WDFY2: variants seen among roughly 807,000 people sequenced by gnomAD.
WDFY2 encodes the protein WD repeat and FYVE domain containing 2.
In WDFY2, 36 loss-of-function variants were observed where a neutral mutation model predicts 56.4. The observed-to-expected ratio is 0.64, with a 90% CI of 0.49 to 0.84. The LOEUF is 0.84. Ranked by LOEUF, WDFY2 falls within the 40% of genes least tolerant of loss-of-function variation. WDFY2 has a pLI of 0.00. For missense variants in WDFY2, 444 were observed against 512.2 expected (o/e 0.87, Z 1.29); for synonymous variants, 176 against 183.7 (o/e 0.96, Z 0.34).
At chr13:51,694,661 T>C (rs4943015) in intron 3 of WDFY2, among the ~76,000 whole-genome samples, 147,946 of 152,136 alleles carry the variant, frequency 0.97, 72,047 homozygotes, top group East Asian at 1. Context: ...TTATGTGTCT[T>C]GGAGTTGCTC....
At chr13:51,713,111 T>C (rs1315615241) in intron 4 of WDFY2, among the ~76,000 whole-genome samples, 1 of 152,160 alleles carries the variant, frequency 6.6e-6, no homozygotes, top group African/African-American at 2.4e-5. Context: ...TGAAAGACTT[T>C]CCAGCCCATT....
chr13:51,660,562 T>A, intron 1 of WDFY2, 34 bp from the exon 2 acceptor site: 1 of 1,588,876 alleles, frequency 6.3e-7, no homozygotes, highest in Non-Finnish European at 8.6e-7. Flanking sequence ...CTAAGAATAA[T>A]GTGATTTCAT....
At chr13:51,741,809 T>G (rs997532121) in intron 7 of WDFY2, among the ~76,000 whole-genome samples, 2 of 152,230 alleles carry the variant, frequency 1.3e-5, no homozygotes, top group African/African-American at 4.8e-5. Context: ...GCTGGTAGCT[T>G]AGGTCTCTGA....
At chr13:51,666,444 C>T (rs1955701803) in intron 2 of WDFY2, among the ~76,000 whole-genome samples, 1 of 152,204 alleles carries the variant, frequency 6.6e-6, no homozygotes. Flanking sequence ...GTGACACAGC[C>T]TACTGGTGTG....
At chr13:51,706,538 AG>A (rs992162323) in intron 4 of WDFY2, among the ~76,000 whole-genome samples, 1 of 152,252 alleles carries the variant, frequency 6.6e-6, no homozygotes, top group Non-Finnish European at 1.5e-5. Flanking sequence ...GAAGACTACA[AG>A]GAAATTTATT....
intron 3 of WDFY2, among the ~76,000 whole-genome samples, chr13:51,698,285 A>G (rs1346802798): frequency 6.6e-6 from 1 of 152,232 alleles, no homozygotes. Context: ...AGCATATCAA[A>G]TCCAGTAGTG....
chr13:51,691,673 G>A (rs991021903), intron 3 of WDFY2, among the ~76,000 whole-genome samples: 24 of 151,926 alleles, frequency 1.6e-4, no homozygotes, highest in East Asian at 7.7e-4. Flanking sequence ...TTGACTTGGC[G>A]ATGCGGGCTC....
intron 4 of WDFY2, among the ~76,000 whole-genome samples, chr13:51,716,641 C>T (rs1369208499): frequency 2.9e-5 from 4 of 139,322 alleles, no homozygotes; most frequent in East Asian, 2.1e-4. Flanking sequence ...TGCAGTGAGC[C>T]GAGATCCCGC....
At chr13:51,706,579 A>C (rs1952086573) in intron 4 of WDFY2, among the ~76,000 whole-genome samples, 1 of 152,216 alleles carries the variant, frequency 6.6e-6, no homozygotes, top group Non-Finnish European at 1.5e-5. Context: ...AGAGGATGGA[A>C]TTTTACCTCG....
chr13:51,633,123 C>T (rs914139230), intron 1 of WDFY2, among the ~76,000 whole-genome samples: 3 of 152,156 alleles, frequency 2.0e-5, no homozygotes, highest in Non-Finnish European at 4.4e-5. Context: ...GCTTCTGGCC[C>T]GCTGGGGTAG....
chr13:51,687,279 A>G (rs1956077358), intron 3 of WDFY2, among the ~76,000 whole-genome samples: 1 of 151,988 alleles, frequency 6.6e-6, no homozygotes, highest in Non-Finnish European at 1.5e-5. Context: ...TCCCCTGCTG[A>G]AAAACCCCTC....
intron 7 of WDFY2, among the ~76,000 whole-genome samples, chr13:51,739,728 C>G (rs1323544868): frequency 6.6e-6 from 1 of 152,124 alleles, no homozygotes; most frequent in African/African-American, 2.4e-5. Context: ...TTCCTTGGAG[C>G]AGTTCTCAAA....
chr13:51,705,530 C>G (rs148440869), intron 4 of WDFY2, among the ~76,000 whole-genome samples: 1 of 151,800 alleles, frequency 6.6e-6, no homozygotes, highest in African/African-American at 2.4e-5. Context: ...TCAACTCAAG[C>G]TCCTCCACAG....
intron 1 of WDFY2, among the ~76,000 whole-genome samples, chr13:51,651,332 T>A: frequency 6.6e-6 from 1 of 152,218 alleles, no homozygotes; most frequent in East Asian, 1.9e-4. Context: ...TTGCTAGTGG[T>A]CTATCAATTT....
intron 1 of WDFY2, among the ~76,000 whole-genome samples, chr13:51,619,002 C>T (rs1310402100): frequency 6.6e-6 from 1 of 152,204 alleles, no homozygotes; most frequent in Non-Finnish European, 1.5e-5. Context: ...CCCTTTGCTG[C>T]TCTGAAAATG....
intron 1 of WDFY2, among the ~76,000 whole-genome samples, chr13:51,611,100 G>A (rs946563441): frequency 6.6e-6 from 1 of 152,232 alleles, no homozygotes; most frequent in African/African-American, 2.4e-5. Flanking sequence ...GTCTCCAAAA[G>A]TATTTATGCA....
chr13:51,681,983 C>T (rs1473280799), intron 3 of WDFY2, among the ~76,000 whole-genome samples: 2 of 152,166 alleles, frequency 1.3e-5, no homozygotes, highest in African/African-American at 4.8e-5. Context: ...GTCGTGAATG[C>T]AGATACCAAG....
At chr13:51,754,048 G>A (rs554235486) in intron 8 of WDFY2, among the ~76,000 whole-genome samples, 104 of 144,908 alleles carry the variant, frequency 7.2e-4, no homozygotes, top group African/African-American at 2.6e-3. Context: ...AGCCAAGATC[G>A]CACCACTGCA....
chr13:51,615,889 T>C (rs988849024), intron 1 of WDFY2, among the ~76,000 whole-genome samples: 1 of 152,256 alleles, frequency 6.6e-6, no homozygotes, highest in South Asian at 2.1e-4. Context: ...GTGTGTGTTT[T>C]GCAAGGATGG....
Sources: allele counts gnomAD v4.1 joint callset (sites outside exome capture counted in the v4.1 genomes callset), GRCh38; gene constraint gnomAD v4.1.1; transcripts MANE v1.5; gene names NCBI Gene and HGNC (gene_info 2026-07-23, HGNC 2026-07-21).